The following IRX5 variants were observed in gnomAD, a reference collection of about 807,000 sequenced individuals.
IRX5 encodes the protein iroquois homeobox 5, also known as iroquois-class homeodomain protein IRX-5.
A neutral mutation model predicts 37.6 loss-of-function variants in IRX5; 8 were observed. The observed-to-expected ratio is 0.21, with a 90% confidence interval of 0.12 to 0.38. IRX5 has a LOEUF of 0.38. Among genes scored for constraint, IRX5 ranks in the 10% least tolerant of loss-of-function variants. The pLI is 1.00. For synonymous variants in IRX5, 359 were observed against 328.6 expected (o/e 1.09, Z -1.00); for missense variants, 635 against 695.2 (o/e 0.91, Z 0.97).
In IRX5 at chr16:54,931,171, G is replaced by A. The variant is rs1351027886; in HGVS notation, c.-28G>A. The stretch of plus-strand genomic sequence containing the variant: ...CGCCCGGCTCGTTGGCGGCCGCGGC[G>A]CGGCGCGCCCCATGCCCGTGTGTGG... On this transcript the variant is annotated 5_prime_UTR_variant, in exon 1 of 3. Coordinates refer to ENST00000394636, the MANE Select transcript of IRX5 (RefSeq NM_005853.6). 1.5e-6 allele frequency: 2 copies of A among 1,354,292 alleles called. No individual in the cohort carries two copies. Among genetic ancestry groups the A allele is most frequent in the Non-Finnish European group, 9.5e-7 (1 of 1,050,074 alleles). The allele number at this position is 1,354,292 out of a possible 1,614,324, so 83.9% of individuals were successfully genotyped here.
intron 1 of IRX5, 94 bp downstream of exon 1, chr16:54,931,541 A>T: frequency 1.4e-6 from 2 of 1,395,206 alleles, no homozygotes; most frequent in African/African-American, 3.0e-5. Flanking sequence ...GCCAACACCG[A>T]CCTCCCCCGC....
Position 54,932,273 on chromosome 16 carries a change from G to A in IRX5, c.250-225G>A. 2 of 667,696 alleles carry A rather than the reference G, an allele frequency of 3.0e-6. No individual in the cohort carries two copies. Among genetic ancestry groups the A allele is most frequent in the South Asian group, 3.2e-5 (2 of 62,636 alleles). The allele number at this position is 667,696 out of a possible 1,614,324, so 41.4% of individuals were successfully genotyped here. ...ACACCGAGGCCGGGACAGCTTCAGG[G>A]GCCCCAGAAGGACCTGACCCAGAAA... is the stretch of plus-strand genomic sequence containing the variant. On this transcript the variant is annotated intron_variant, in intron 1 of 2. Coordinates refer to ENST00000394636, the MANE Select transcript of IRX5 (RefSeq NM_005853.6). This position sits in a 1 kb window ranked among gnomAD's most constrained non-coding sequence, Gnocchi z 6.7.
chr16:54,931,165 C>T lies in IRX5; in HGVS notation c.-34C>T, dbSNP rs1374268360. 4.5e-6 allele frequency: 6 copies of T among 1,336,310 alleles called. No individual in the cohort carries two copies. Among genetic ancestry groups the T allele is most frequent in the Non-Finnish European group, 4.8e-6 (5 of 1,041,274 alleles). 82.8% of individuals were successfully genotyped at this position (1,336,310 alleles called of 1,614,324 possible). A position where few individuals can be genotyped will look rare whatever the true frequency, so the allele number is the denominator to read the frequency against. On this transcript the variant is annotated 5_prime_UTR_variant, in exon 1 of 3. Coordinates refer to ENST00000394636, the MANE Select transcript of IRX5 (RefSeq NM_005853.6). ...GGGCGCCGCCCGGCTCGTTGGCGGC[C>T]GCGGCGCGGCGCGCCCCATGCCCGT...
intron 1 of IRX5, among the ~76,000 whole-genome samples, chr16:54,931,733 C>T (rs1379799006): frequency 1.3e-5 from 2 of 152,202 alleles, no homozygotes; most frequent in African/African-American, 2.4e-5. Context: ...AACGTAAGCT[C>T]CGGGCTGCCC....
chr16:54,931,564 C>A, intron 1 of IRX5, 117 bp downstream of exon 1: 6 of 1,346,786 alleles, frequency 4.5e-6, no homozygotes, highest in Non-Finnish European at 5.9e-6. Context: ...AGCTTCGCGG[C>A]CCCTTCAAAC....
chr16:54,932,375 A>G lies in IRX5; in HGVS notation c.250-123A>G. 1 of 1,134,924 alleles carries G rather than the reference A, an allele frequency of 8.8e-7. No individual in the cohort carries two copies. Among genetic ancestry groups the G allele is most frequent in the Non-Finnish European group, 1.2e-6 (1 of 813,678 alleles). 70.3% of individuals were successfully genotyped at this position (1,134,924 alleles called of 1,614,324 possible). ...AACCCCGCCAGCCTTGCCCCGTAGG[A>G]AGCTGGAGTGCGGGCCTCGTCCACC... On this transcript the variant is annotated intron_variant, in intron 1 of 2. Coordinates refer to ENST00000394636, the MANE Select transcript of IRX5 (RefSeq NM_005853.6). The surrounding 1 kb of genome is among the most constrained non-coding windows in gnomAD (Gnocchi z 6.7).
Position 54,933,327 on chromosome 16 carries a change from A to T in IRX5, c.906A>T (p.Pro302=), listed in dbSNP as rs1963926855. 2.1e-6 allele frequency: 3 copies of T among 1,463,336 alleles called. No individual in the cohort carries two copies. Among genetic ancestry groups the T allele is most frequent in the Non-Finnish European group, 2.7e-6 (3 of 1,111,966 alleles). 90.6% of individuals were successfully genotyped at this position (1,463,336 alleles called of 1,614,324 possible). A position where few individuals can be genotyped will look rare whatever the true frequency, so the allele number is the denominator to read the frequency against. The change falls in exon 3 of 3, where the codon CCA becomes CCT. Residue 302 remains proline (P), a synonymous_variant. Coordinates refer to ENST00000394636, the MANE Select transcript of IRX5 (RefSeq NM_005853.6). ...PAGAPAPGPH[P]AAGEVPPGPG... ...GAGCGCCGGCGCCCGGCCCGCATCCAGCCGCGGGCGAGGTGCCTCCGGGTC... is the reference window on the plus strand; with the variant it reads ...GAGCGCCGGCGCCCGGCCCGCATCCTGCCGCGGGCGAGGTGCCTCCGGGTC...
Position 54,933,632 on chromosome 16 carries a change from A to G in IRX5, c.1211A>G (p.Tyr404Cys). The change falls in exon 3 of 3, where the codon TAC (tyrosine) becomes TGC (cysteine). Residue 404 changes from tyrosine (Y) to cysteine (C), a missense_variant. Around this residue, in one of 5 missense-constraint regions of IRX5, gnomAD observed 188 missense variants for 200.8 expected, o/e 0.94. Coordinates refer to ENST00000394636, the MANE Select transcript of IRX5 (RefSeq NM_005853.6). ...GGTVLSRPLY[Y>C]TAPFYPGYTN... ...ACGGTGCTGTCCCGGCCTCTCTACT[A>G]CACCGCGCCCTTCTATCCCGGCTAC... 1 of 1,610,540 alleles carries G rather than the reference A, an allele frequency of 6.2e-7. No individual in the cohort carries two copies. Among genetic ancestry groups the G allele is most frequent in the Non-Finnish European group, 8.5e-7 (1 of 1,177,514 alleles).
chr16:54,933,187 C>T lies in IRX5; in HGVS notation c.766C>T (p.Pro256Ser), dbSNP rs1436044456. The T allele has an allele frequency of 1.7e-5, 26 of 1,547,400 alleles. No homozygotes were observed. Among genetic ancestry groups the T allele is most frequent in the East Asian group, 2.4e-5 (1 of 41,860 alleles). ...CAGCGACTCGGATTTTAAGGAGCCGCCCTCGGAGGGCCGCCTCGACGCGCT... is the reference window on the plus strand; with the variant it reads ...CAGCGACTCGGATTTTAAGGAGCCGTCCTCGGAGGGCCGCCTCGACGCGCT... ...SLSDSDFKEP[P>S]SEGRLDALQG... Residue 256 changes from proline to serine, a missense_variant, in exon 3 of 3, where the codon CCC becomes TCC. Coordinates refer to ENST00000394636, the MANE Select transcript of IRX5 (RefSeq NM_005853.6).
In IRX5 at chr16:54,933,667, G is replaced by GA; in HGVS notation, c.1246_1247insA (p.Gly416GlufsTer40). The GA allele has an allele frequency of 6.2e-7, 1 of 1,613,232 alleles. No homozygotes were observed. Among genetic ancestry groups the GA allele is most frequent in the South Asian group, 1.1e-5 (1 of 91,060 alleles). ...CTTCTATCCCGGCTACACGAACTAT[G>GA]GCTCCTTCGGACACCTTCATGGCCA... On this transcript the variant is annotated frameshift_variant, in exon 3 of 3. Coordinates refer to ENST00000394636, the MANE Select transcript of IRX5 (RefSeq NM_005853.6). LOFTEE classifies it high-confidence loss of function.
chr16:54,933,047 C>T (rs746270561), intron 2 of IRX5, 30 bp from the exon 3 acceptor site: 21 of 1,602,960 alleles, frequency 1.3e-5, no homozygotes, highest in Non-Finnish European at 1.7e-5. Flanking sequence ...GCGGCCTCTG[C>T]GCCCCTGACA....
At chr16:54,931,991 G>A (rs939198497) in intron 1 of IRX5, 5 of 685,824 alleles carry the variant, frequency 7.3e-6, no homozygotes, top group Non-Finnish European at 1.3e-5. Flanking sequence ...TTCGGTCTGG[G>A]GTAGTATTTT....
At position 54,933,807 on chromosome 16, in the gene IRX5, C is replaced by A; in HGVS notation, c.1386C>A (p.Ser462Arg). The A allele has an allele frequency of 6.2e-7, 1 of 1,614,022 alleles. No individual in the cohort carries two copies. The highest frequency in any genetic ancestry group is 8.5e-7 in the Non-Finnish European group (1 of 1,179,974). Residue 462 changes from serine (S) to arginine (R), a missense_variant, in exon 3 of 3, where the codon AGC becomes AGA. Transcript: ENST00000394636. Reference sequence around the variant, plus strand: ...CTAAAGACCCGAAAATGTTGCGGAGCCAGTCTCAGCTAGACCTGTGCAAAG... The same window carrying A: ...CTAAAGACCCGAAAATGTTGCGGAGACAGTCTCAGCTAGACCTGTGCAAAG... Reference protein sequence around the residue: ...ALAKDPKMLRSQSQLDLCKDS... With the variant: ...ALAKDPKMLRRQSQLDLCKDS...
At chr16:54,933,006 G>A in intron 2 of IRX5, 71 bp from the exon 3 acceptor site, 1 of 1,603,176 alleles carries the variant, frequency 6.2e-7, no homozygotes, top group East Asian at 2.2e-5. Flanking sequence ...AGGGGTCCCT[G>A]CCTTTGCGGG....
At position 54,933,864 on chromosome 16, in the gene IRX5, C is replaced by T. The variant is rs1963937665; in HGVS notation, c.1443C>T (p.Ser481=). ...CCTATGAATTGAAGAAAGGTATGTC[C>T]GACATTTAACGCGGGCTGCGTCGGT... The part of the protein sequence containing the change: ...DSPYELKKGM[S]DI The change falls in exon 3 of 3, where the codon TCC becomes TCT. Residue 481 remains serine, a synonymous_variant. Coordinates refer to ENST00000394636, the MANE Select transcript of IRX5 (RefSeq NM_005853.6). The T allele has an allele frequency of 1.3e-6, 2 of 1,583,058 alleles. No homozygotes were observed.
In IRX5 at chr16:54,933,574, T is replaced by A. The variant is rs1567391544; in HGVS notation, c.1153T>A (p.Ser385Thr). The change falls in exon 3 of 3, where the codon TCG becomes ACG. Residue 385 changes from serine (S) to threonine (T), a missense_variant. Physicochemically the swap from Ser to Thr is moderately conservative, Grantham distance 58. Around this residue, in one of 5 missense-constraint regions of IRX5, gnomAD observed 188 missense variants for 200.8 expected, o/e 0.94. Coordinates refer to ENST00000394636, the MANE Select transcript of IRX5 (RefSeq NM_005853.6). Reference sequence around the variant, plus strand: ...GTCGCCGGCCCCGGCGCCGTCACGCTCGCCCTCGGCGCAGTGTCCTTTTCC... The same window carrying A: ...GTCGCCGGCCCCGGCGCCGTCACGCACGCCCTCGGCGCAGTGTCCTTTTCC... ...RASPAPAPSR[S>T]PSAQCPFPGG... 6.2e-7 allele frequency: 1 copy of A among 1,608,952 alleles called. No individual in the cohort carries two copies. The highest frequency in any genetic ancestry group is 8.5e-7 in the Non-Finnish European group (1 of 1,177,462).
chr16:54,931,391 C>T lies in IRX5; in HGVS notation c.193C>T (p.Leu65Phe), dbSNP rs749016029. Residue 65 changes from leucine (L) to phenylalanine (F), a missense_variant, in exon 1 of 3, where the codon CTC becomes TTC. Leu to Phe is a conservative substitution (Grantham distance 22). Coordinates refer to ENST00000394636, the MANE Select transcript of IRX5 (RefSeq NM_005853.6). ...GCCCTCGCCGGGCTACAACTCGCAC[C>T]TCCAGTACGGCGCCGACCCCGCGGC... ...TAPSPGYNSH[L>F]QYGADPAAAA... 6.2e-7 allele frequency: 1 copy of T among 1,601,116 alleles called. No individual in the cohort carries two copies. Among genetic ancestry groups the T allele is most frequent in the Admixed American group, 1.7e-5 (1 of 59,952 alleles).
At position 54,931,400 on chromosome 16, in the gene IRX5, G is replaced by T. The variant is rs768213705; in HGVS notation, c.202G>T (p.Gly68Cys). 1.9e-6 allele frequency: 3 copies of T among 1,597,358 alleles called. No individual in the cohort carries two copies. The highest frequency in any genetic ancestry group is 1.7e-6 in the Non-Finnish European group (2 of 1,177,856). ...GGGCTACAACTCGCACCTCCAGTAC[G>T]GCGCCGACCCCGCGGCCGCCGCCGC... ...SPGYNSHLQY[G>C]ADPAAAAAAA... Residue 68 changes from glycine (G) to cysteine (C), a missense_variant, in exon 1 of 3, where the codon GGC (glycine) becomes TGC (cysteine). Coordinates refer to ENST00000394636, the MANE Select transcript of IRX5 (RefSeq NM_005853.6).
intron 2 of IRX5, 26 bp from the exon 3 acceptor site, chr16:54,933,051 C>G: frequency 6.2e-7 from 1 of 1,602,826 alleles, no homozygotes. Context: ...CCTCTGCGCC[C>G]CTGACAGCCT....
Sources: gnomAD v4.1 joint callset for allele counts (sites outside exome capture counted in the v4.1 genomes callset) on GRCh38, gnomAD v4.1.1 for gene constraint, gnomAD v4.1.1 regional missense constraint, Gnocchi (gnomAD v3.1) non-coding constraint, MANE v1.5 for transcripts, NCBI Gene and HGNC (gene_info 2026-07-23, HGNC 2026-07-21) for gene names.